Variants in IMMP2L observed in about 807,000 individuals in gnomAD.
The protein encoded by IMMP2L is mitochondrial inner membrane protease subunit 2.
IMMP2L carries 18 observed loss-of-function variants against 19.3 expected under a neutral mutation model. That is an observed-to-expected ratio of 0.93 (90% CI 0.64 to 1.38). The LOEUF (loss-of-function observed/expected upper bound fraction) is 1.38, where lower values mean the gene tolerates loss of function less well. Ranked by LOEUF, IMMP2L falls within the 40% of genes most tolerant of loss-of-function variation. IMMP2L has a pLI of 0.00. For missense variants in IMMP2L, 233 were observed against 218.2 expected (o/e 1.07, Z -0.43); for synonymous variants, 76 against 73.0 (o/e 1.04, Z -0.21).
At chr7:110,901,510 G>C (rs1325464381) in intron 4 of IMMP2L, among the ~76,000 whole-genome samples, 2 of 152,124 alleles carry the variant, frequency 1.3e-5, no homozygotes, top group Non-Finnish European at 2.9e-5. Context: ...GGAGAGGTTA[G>C]TTTGTCAACA....
chr7:111,183,850 A>G (rs73201082), intron 3 of IMMP2L, among the ~76,000 whole-genome samples: 3 of 152,254 alleles, frequency 2.0e-5, no homozygotes, highest in Non-Finnish European at 4.4e-5. Flanking sequence ...CATAAAAGAA[A>G]GAACATACAC....
intron 4 of IMMP2L, among the ~76,000 whole-genome samples, chr7:110,915,882 T>C (rs1023167013): frequency 6.6e-6 from 1 of 152,310 alleles, no homozygotes; most frequent in Admixed American, 6.5e-5. Flanking sequence ...TTGTAGACTA[T>C]TTGTGAAAAT....
Position 111,207,534 on chromosome 7 carries a change from G to GTTTTTTT in IMMP2L, c.240-243976_240-243970dup, listed in dbSNP as rs376864629. On this transcript the variant is annotated intron_variant, in intron 3 of 5. Coordinates refer to ENST00000405709, the MANE Select transcript of IMMP2L (RefSeq NM_032549.4). ...TTCTTTCTTTTTCGTTTTATTTTTGGTTTTTTTTTTTTTTTTTTTTTTTGA... is the reference window on the plus strand; with the variant it reads ...TTCTTTCTTTTTCGTTTTATTTTTGGTTTTTTTTTTTTTTTTTTTTTTTTTTTTTTGA... 4.5e-3 allele frequency among the ~76,000 whole-genome samples: 407 copies of GTTTTTTT among 90,110 alleles called. 5 individuals are homozygous for GTTTTTTT. Among genetic ancestry groups the GTTTTTTT allele is most frequent in the Non-Finnish European group, 7.3e-3 (357 of 48,924 alleles). The allele number at this position is 90,110 out of a possible 152,430, so 59.1% of individuals were successfully genotyped here.
At chr7:110,761,728 A>C (rs537825525) in intron 5 of IMMP2L, among the ~76,000 whole-genome samples, 1 of 152,314 alleles carries the variant, frequency 6.6e-6, no homozygotes, top group East Asian at 1.9e-4. Context: ...CCAATTTCAC[A>C]GATGAGGAAC....
chr7:110,725,178 G>A (rs1384727844), intron 5 of IMMP2L, among the ~76,000 whole-genome samples: 1 of 152,090 alleles, frequency 6.6e-6, no homozygotes, highest in Non-Finnish European at 1.5e-5. Context: ...TTTCAGACAC[G>A]GATCACACTT....
At chr7:111,494,001 T>A (rs12668724) in intron 2 of IMMP2L, among the ~76,000 whole-genome samples, 99,665 of 150,542 alleles carry the variant, frequency 0.66, 33,801 homozygotes, top group African/African-American at 0.81. Flanking sequence ...ACTCCGTCTC[T>A]AAAAAAAATA....
intron 3 of IMMP2L, among the ~76,000 whole-genome samples, chr7:110,994,670 C>T (rs1178431594): frequency 1.3e-5 from 2 of 152,176 alleles, no homozygotes; most frequent in African/African-American, 4.8e-5. Context: ...GCTTAGCTGT[C>T]TGTGTGTGAG....
intron 3 of IMMP2L, among the ~76,000 whole-genome samples, chr7:111,038,151 A>C (rs997391611): frequency 1.8e-4 from 27 of 152,206 alleles, no homozygotes; most frequent in Non-Finnish European, 5.9e-5. Context: ...TCCTAACTTA[A>C]GAGGAGAGCC....
chr7:111,278,032 T>C (rs986182179), intron 3 of IMMP2L, among the ~76,000 whole-genome samples: 3 of 152,010 alleles, frequency 2.0e-5, no homozygotes, highest in African/African-American at 4.8e-5. Context: ...AAACAATGGG[T>C]ACATATGGAC....
intron 3 of IMMP2L, among the ~76,000 whole-genome samples, chr7:111,103,077 G>A (rs1322570069): frequency 6.6e-6 from 1 of 151,286 alleles, no homozygotes; most frequent in Admixed American, 6.6e-5. Flanking sequence ...TCTCTTATTT[G>A]TACTCTAATT....
chr7:111,136,149 T>A (rs1179017014), intron 3 of IMMP2L, among the ~76,000 whole-genome samples: 1 of 152,010 alleles, frequency 6.6e-6, no homozygotes, highest in African/African-American at 2.4e-5. Flanking sequence ...TGCCTCAGCC[T>A]CCCAAGTAGC....
chr7:111,059,654 G>C (rs950390874), intron 3 of IMMP2L, among the ~76,000 whole-genome samples: 3 of 152,096 alleles, frequency 2.0e-5, no homozygotes, highest in Admixed American at 1.3e-4. Flanking sequence ...ATTTTAGCAT[G>C]AGTATTTGTC....
chr7:110,712,716 G>A (rs1220264252), intron 5 of IMMP2L, among the ~76,000 whole-genome samples: 2 of 77,566 alleles, frequency 2.6e-5, no homozygotes, highest in South Asian at 4.5e-4. Context: ...CTCGTGGTGC[G>A]CCGTTTCTTA....
Position 111,170,229 on chromosome 7 carries a change from A to AT in IMMP2L, c.240-206665dup, listed in dbSNP as rs370423048. ...CTCTCTCGTTAGTCTTGTTAGTATTATTTTTTCTCCCCTAAGGAAATCCAA... is the reference window on the plus strand; with the variant it reads ...CTCTCTCGTTAGTCTTGTTAGTATTATTTTTTTCTCCCCTAAGGAAATCCAA... On this transcript the variant is annotated intron_variant, in intron 3 of 5. Transcript: ENST00000405709. Among the ~76,000 whole-genome samples, 19 of 151,878 alleles carry AT rather than the reference A, an allele frequency of 1.3e-4. 1 individual carries two copies. The highest frequency in any genetic ancestry group is 4.6e-4 in the African/African-American group (19 of 41,470).
chr7:111,010,976 G>T (rs987412089), intron 3 of IMMP2L, among the ~76,000 whole-genome samples: 2 of 151,692 alleles, frequency 1.3e-5, no homozygotes, highest in African/African-American at 4.8e-5. Flanking sequence ...CCCAGGTGTT[G>T]AAAGTGTCCC....
intron 3 of IMMP2L, among the ~76,000 whole-genome samples, chr7:111,474,517 T>C (rs1841552919): frequency 6.6e-6 from 1 of 152,066 alleles, no homozygotes; most frequent in Non-Finnish European, 1.5e-5. Context: ...CGCTTTTTTT[T>C]TTCAGTATGC....
chr7:110,817,205 A>G (rs12531706), intron 5 of IMMP2L, among the ~76,000 whole-genome samples: 1 of 151,944 alleles, frequency 6.6e-6, no homozygotes, highest in Non-Finnish European at 1.5e-5. Context: ...TTGCATATCC[A>G]GAAAACCCCA....
At chr7:111,545,972 C>A (rs1359015814) in intron 1 of IMMP2L, among the ~76,000 whole-genome samples, 2 of 152,064 alleles carry the variant, frequency 1.3e-5, no homozygotes, top group African/African-American at 2.4e-5. Context: ...TAAGTCTCCT[C>A]CAAAATAATC....
Position 111,322,287 on chromosome 7 carries a change from T to C in IMMP2L, c.239+164951A>G, listed in dbSNP as rs139587002. Among the ~76,000 whole-genome samples the C allele has an allele frequency of 4.2e-3, 642 of 152,048 alleles. 6 individuals are homozygous for C. The highest frequency in any genetic ancestry group is 0.015 in the African/African-American group (611 of 41,530). ...ATGGAAATAGTATGTGCCAGATAAA[T>C]AGATTCTCAATAAATATTTATTGAG... On this transcript the variant is annotated intron_variant, in intron 3 of 5. Transcript: ENST00000405709.
Sources: gnomAD v4.1 joint callset for allele counts (sites outside exome capture counted in the v4.1 genomes callset) on GRCh38, gnomAD v4.1.1 for gene constraint, MANE v1.5 for transcripts, NCBI Gene and HGNC (gene_info 2026-07-23, HGNC 2026-07-21) for gene names.